RSPH14: variants seen among roughly 807,000 people sequenced by gnomAD.
RSPH14 encodes radial spoke head 14 homolog.
In RSPH14, 20 loss-of-function variants were observed where a neutral mutation model predicts 26.7. The ratio of observed to expected loss-of-function variants is 0.75; its 90% CI spans 0.53 to 1.09. The LOEUF (loss-of-function observed/expected upper bound fraction) is 1.09. Ranked by LOEUF, RSPH14 falls within the 50% of genes least tolerant of loss-of-function variation. The pLI is 0.00. For synonymous variants in RSPH14, 177 were observed against 189.3 expected (o/e 0.93, Z 0.53); for missense variants, 449 against 457.2 (o/e 0.98, Z 0.16).
the RSPH14 span, chr22:23,162,084 G>A: frequency 5.9e-6 from 1 of 168,150 alleles, no homozygotes; most frequent in South Asian, 1.6e-4. Context: ...GTTGTCAGCA[G>A]GACTTATGGT....
At chr22:23,139,036 G>C in intron 2 of RSPH14, 94 bp from the exon 3 acceptor site, 2 of 913,844 alleles carry the variant, frequency 2.2e-6, no homozygotes, top group Non-Finnish European at 1.7e-6. Context: ...GGGCCAGTTG[G>C]GGCAGGAATG....
At chr22:23,134,489 G>T (rs1181930583) in intron 3 of RSPH14, among the ~76,000 whole-genome samples, 1 of 130,554 alleles carries the variant, frequency 7.7e-6, no homozygotes, top group African/African-American at 2.9e-5. Flanking sequence ...TTTCAAATTT[G>T]TTTATGAGAA....
At chr22:23,146,777 G>C (rs2070803061), upstream of RSPH14, 1 of 1,516,134 alleles carries the variant, frequency 6.6e-7, no homozygotes, top group Non-Finnish European at 8.9e-7. Context: ...TAAAGCAGGT[G>C]AATCAAGGAG....
chr22:23,160,606 G>C, the RSPH14 span, among the ~76,000 whole-genome samples: 231 of 152,330 alleles, frequency 1.5e-3, no homozygotes, highest in African/African-American at 5.4e-3. Context: ...CAAAGGCTCA[G>C]AAGTTTGAGG....
chr22:23,075,225 C>G (rs995523894), intron 4 of RSPH14, among the ~76,000 whole-genome samples: 1 of 152,122 alleles, frequency 6.6e-6, no homozygotes, highest in East Asian at 1.9e-4. Flanking sequence ...CCTGAGTGGG[C>G]GGGTGGGTTG....
At chr22:23,078,865 G>A (rs572246156) in intron 4 of RSPH14, among the ~76,000 whole-genome samples, 16 of 152,340 alleles carry the variant, frequency 1.1e-4, no homozygotes, top group African/African-American at 3.4e-4. Context: ...GGGCCTGAGG[G>A]CTTAGTCGTG....
chr22:23,156,231 C>T, the RSPH14 span: 1 of 538,622 alleles, frequency 1.9e-6, no homozygotes, highest in African/African-American at 2.0e-5. Context: ...GCGATCACAC[C>T]CTTTAAGGAC....
At chr22:23,162,912 G>T in the RSPH14 span, 1 of 316,078 alleles carries the variant, frequency 3.2e-6, no homozygotes, top group Admixed American at 4.4e-5. Context: ...TTATATAAAT[G>T]ACTTTTTTTT....
chr22:23,092,318 C>T (rs1367445536), intron 4 of RSPH14, among the ~76,000 whole-genome samples: 1 of 152,156 alleles, frequency 6.6e-6, no homozygotes, highest in Non-Finnish European at 1.5e-5. Context: ...CAGCCAGGCT[C>T]CCAACGCAAG....
chr22:23,061,090 C>A (rs937830547), intron 6 of RSPH14, among the ~76,000 whole-genome samples: 6 of 152,284 alleles, frequency 3.9e-5, no homozygotes, highest in African/African-American at 1.4e-4. Flanking sequence ...GCATTAGGGT[C>A]AGGTGTGCAG....
At chr22:23,161,912 T>C in the RSPH14 span, 4 of 279,798 alleles carry the variant, frequency 1.4e-5, no homozygotes, top group East Asian at 3.9e-4. Context: ...TGCGTCGGTC[T>C]ATACTACTCG....
chr22:23,108,138 G>T (rs936888299), intron 4 of RSPH14, among the ~76,000 whole-genome samples: 1 of 152,320 alleles, frequency 6.6e-6, no homozygotes, highest in African/African-American at 2.4e-5. Flanking sequence ...ACACAGGTGG[G>T]GAGCAGCCAG....
intron 4 of RSPH14, among the ~76,000 whole-genome samples, chr22:23,101,607 G>A (rs2069304775): frequency 6.6e-6 from 1 of 152,232 alleles, no homozygotes; most frequent in Admixed American, 6.5e-5. Flanking sequence ...AAGCCAGAAG[G>A]CCTGCCGCCC....
At chr22:23,130,085 A>AAG (rs2070291938) in intron 4 of RSPH14, among the ~76,000 whole-genome samples, 1 of 9,368 alleles carries the variant, frequency 1.1e-4, no homozygotes, top group African/African-American at 2.4e-4. Context: ...GAAAGAAAGG[A>AAG]AGAAAGAAAG....
chr22:23,172,647 C>T, the RSPH14 span, among the ~76,000 whole-genome samples: 1 of 133,766 alleles, frequency 7.5e-6, no homozygotes. Flanking sequence ...AGCAAGAATC[C>T]GTCTCAAAAA....
At chr22:23,130,508 G>GAAAGAAAGAAAGAAAGAAAGAAAGAA in intron 4 of RSPH14, among the ~76,000 whole-genome samples, 2 of 148,796 alleles carry the variant, frequency 1.3e-5, no homozygotes, top group Non-Finnish European at 3.0e-5. Context: ...AAGAAAGAAA[G>GAAAGAAAGAAAGAAAGAAAGAAAGAA]AAAGAAAGAA....
At chr22:23,164,127 C>A in the RSPH14 span, 1 of 152,232 alleles carries the variant, frequency 6.6e-6, no homozygotes, top group Non-Finnish European at 1.5e-5. Context: ...ATTAGGAAGA[C>A]CAGGTTTGCT....
At chr22:23,160,934 G>C in the RSPH14 span, 2 of 1,613,268 alleles carry the variant, frequency 1.2e-6, no homozygotes, top group Non-Finnish European at 1.7e-6. Flanking sequence ...TCGAGCAGTC[G>C]GTGCTGCAGG....
chr22:23,132,696 A>G (rs1225583659), intron 4 of RSPH14: 3 of 152,252 alleles, frequency 2.0e-5, no homozygotes, highest in African/African-American at 7.2e-5. Flanking sequence ...TAGTGGAAGT[A>G]TAAATTGGTA....
Sources: allele counts gnomAD v4.1 joint callset (sites outside exome capture counted in the v4.1 genomes callset), GRCh38; gene constraint gnomAD v4.1.1; transcripts MANE v1.5; gene names NCBI Gene and HGNC (gene_info 2026-07-23, HGNC 2026-07-21).